The following ZNF787 variants were observed in gnomAD, a reference collection of about 807,000 sequenced individuals.
The protein encoded by ZNF787 is TTF-I-interacting peptide 20.
A neutral mutation model predicts 16.9 loss-of-function variants in ZNF787; 7 were observed. That is an observed-to-expected ratio of 0.42 (90% CI 0.24 to 0.78). The LOEUF is 0.78. Ranked by LOEUF, ZNF787 falls within the 30% of genes least tolerant of loss-of-function variation. The pLI, the probability that ZNF787 is intolerant of heterozygous loss-of-function variation, is 0.30. For missense variants in ZNF787, 551 were observed against 589.3 expected, an observed-to-expected ratio of 0.94 and a Z score of 0.67; for synonymous variants, 345 against 270.9, an observed-to-expected ratio of 1.27 and a Z score of -2.69.
At chr19:56,104,784 T>C (rs141617571) in intron 1 of ZNF787, among the ~76,000 whole-genome samples, 5 of 152,376 alleles carry the variant, frequency 3.3e-5, no homozygotes, top group South Asian at 2.1e-4. Context: ...AGCAGAGCCT[T>C]TGCCACGCGC....
intron 2 of ZNF787, among the ~76,000 whole-genome samples, chr19:56,092,525 CTTT>C: frequency 7.0e-6 from 1 of 143,036 alleles, no homozygotes; most frequent in African/African-American, 2.6e-5. Context: ...TCTGGAAATG[CTTT>C]TTTTTTTTTT....
Position 56,088,002 on chromosome 19 carries a change from C to CCCCTGCCCG in ZNF787, c.*20_*21insCGGGCAGGG. On this transcript the variant is annotated 3_prime_UTR_variant, in exon 3 of 3. Transcript: ENST00000610935. This position sits in a 1 kb window ranked among gnomAD's most constrained non-coding sequence, Gnocchi z 8.6. ...GCCAAGCCCGAGGGGCCCTGCCCGC[C>CCCCTGCCCG]CCCCCCCCCGGGCCCCTCCCCTACC... 2.2e-5 allele frequency: 1 copy of CCCCTGCCCG among 45,538 alleles called. No individual in the cohort carries two copies. Among genetic ancestry groups the CCCCTGCCCG allele is most frequent in the Non-Finnish European group, 4.2e-5 (1 of 23,934 alleles). The allele number at this position is 45,538 out of a possible 1,614,324, so 2.8% of individuals were successfully genotyped here.
intron 1 of ZNF787, among the ~76,000 whole-genome samples, chr19:56,115,116 G>A (rs553261786): frequency 1.3e-5 from 2 of 152,242 alleles, no homozygotes; most frequent in South Asian, 2.1e-4. Flanking sequence ...GGAGATCCCA[G>A]GCCTGCCCTC....
chr19:56,112,344 G>A (rs995747566), intron 1 of ZNF787, among the ~76,000 whole-genome samples: 1 of 152,166 alleles, frequency 6.6e-6, no homozygotes, highest in African/African-American at 2.4e-5. Flanking sequence ...GGCTCTCCCA[G>A]CCTCTGCAGG....
chr19:56,120,545 G>T (rs918986582), intron 1 of ZNF787, among the ~76,000 whole-genome samples: 1 of 152,170 alleles, frequency 6.6e-6, no homozygotes, highest in African/African-American at 2.4e-5. Flanking sequence ...CTGCCGGCCA[G>T]AATCCCCGTA....
chr19:56,090,503 C>T (rs552781463), intron 2 of ZNF787, among the ~76,000 whole-genome samples: 5 of 152,178 alleles, frequency 3.3e-5, no homozygotes, highest in Admixed American at 2.0e-4. Context: ...CCAGTAGCAT[C>T]GGCGCCACAG....
chr19:56,107,050 C>T (rs1223756166), intron 1 of ZNF787, among the ~76,000 whole-genome samples: 1 of 152,210 alleles, frequency 6.6e-6, no homozygotes, highest in Non-Finnish European at 1.5e-5. Context: ...AATTCATGTG[C>T]ACAGATATGC....
intron 2 of ZNF787, among the ~76,000 whole-genome samples, chr19:56,097,182 C>G (rs1985905261): frequency 6.6e-6 from 1 of 152,166 alleles, no homozygotes; most frequent in African/African-American, 2.4e-5. Flanking sequence ...TGTGCAAATC[C>G]AACAAGGTAA....
At position 56,087,847 on chromosome 19, in the gene ZNF787, T is replaced by TA; in HGVS notation, c.*175dup. ...TCGAGGCGGAGAAGTGAACGGGCCC[T>TA]AATACGCCCCAGTGCCCCCCCACGG... On this transcript the variant is annotated 3_prime_UTR_variant, in exon 3 of 3. Coordinates refer to ENST00000610935, the MANE Select transcript of ZNF787 (RefSeq NM_001002836.4). 2 of 1,064,510 alleles carry TA rather than the reference T, an allele frequency of 1.9e-6. No individual in the cohort carries two copies. Among genetic ancestry groups the TA allele is most frequent in the South Asian group, 6.4e-5 (2 of 31,082 alleles). The allele number at this position is 1,064,510 out of a possible 1,614,324, so 65.9% of individuals were successfully genotyped here. A position where few individuals can be genotyped will look rare whatever the true frequency, so the allele number is the denominator to read the frequency against.
chr19:56,103,375 G>A lies in ZNF787; in HGVS notation c.-10-148C>T, dbSNP rs1258927300. The A allele has an allele frequency of 6.2e-6, 4 of 640,682 alleles. No individual in the cohort carries two copies. In the East Asian group the frequency reaches 1.2e-4, roughly 19 times the overall value. The allele number at this position is 640,682 out of a possible 1,614,324, so 39.7% of individuals were successfully genotyped here. A position where few individuals can be genotyped will look rare whatever the true frequency, so the allele number is the denominator to read the frequency against. On this transcript the variant is annotated intron_variant, in intron 1 of 2. Transcript: ENST00000610935. ...CACAGCACCTACCCCAGGACACCGA[G>A]AACTGGCCTGGAGCTAGCCTGGCCG...
chr19:56,103,317 G>T, intron 1 of ZNF787, 90 bp from the exon 2 acceptor site: 1 of 1,159,858 alleles, frequency 8.6e-7, no homozygotes, highest in Non-Finnish European at 1.2e-6. Flanking sequence ...GCAGACCCCG[G>T]CGTGACAGGC....
At chr19:56,114,235 G>C (rs927682036) in intron 1 of ZNF787, among the ~76,000 whole-genome samples, 6 of 152,132 alleles carry the variant, frequency 3.9e-5, no homozygotes, top group Non-Finnish European at 7.4e-5. Flanking sequence ...CTGATGCACC[G>C]ACAGGCTCAG....
In ZNF787 at chr19:56,088,386, C is replaced by T. The variant is rs1985426204; in HGVS notation, c.786G>A (p.Ala262=). The T allele has an allele frequency of 2.7e-6, 3 of 1,104,138 alleles. No homozygotes were observed. Among genetic ancestry groups the T allele is most frequent in the East Asian group, 5.3e-5 (1 of 18,810 alleles). 68.4% of individuals were successfully genotyped at this position (1,104,138 alleles called of 1,614,324 possible). The change falls in exon 3 of 3, where the codon GCG becomes GCA. Residue 262 remains alanine (A), a synonymous_variant. Coordinates refer to ENST00000610935, the MANE Select transcript of ZNF787 (RefSeq NM_001002836.4). This position sits in a 1 kb window ranked among gnomAD's most constrained non-coding sequence, Gnocchi z 8.6. ...GAAAAAAMAG[A]GAKAAGPRSR... is the part of the protein sequence containing the mutation. ...ACCGGGGCCCCGCGGCCTTTGCCCCCGCGCCCGCCATGGCTGCCGCGGCCG... is the reference window on the plus strand; with the variant it reads ...ACCGGGGCCCCGCGGCCTTTGCCCCTGCGCCCGCCATGGCTGCCGCGGCCG...
At chr19:56,094,187 CTTTTT>C (rs572443571) in intron 2 of ZNF787, among the ~76,000 whole-genome samples, 485 of 105,466 alleles carry the variant, frequency 4.6e-3, no homozygotes, top group Middle Eastern at 0.018. Flanking sequence ...TCATGCCCGG[CTTTTT>C]TTTTTTTTTT....
rs1299197706 is a variant in ZNF787 at position 56,088,297 on chromosome 19, C to G, written c.875G>C (p.Gly292Ala). 7.4e-7 allele frequency: 1 copy of G among 1,356,510 alleles called. No individual in the cohort carries two copies. The allele number at this position is 1,356,510 out of a possible 1,614,324, so 84.0% of individuals were successfully genotyped here. A position where few individuals can be genotyped will look rare whatever the true frequency, so the allele number is the denominator to read the frequency against. The part of the protein sequence containing the change: ...CLECGKGFGH[G>A]AGLLAHQRAQ... ...CCGCTGGTGCGCCAGGAGCCCGGCC[C>G]CGTGCCCGAAGCCCTTCCCGCACTC... The change falls in exon 3 of 3, where the codon GGG becomes GCG. Residue 292 changes from glycine (G) to alanine (A), a missense_variant. Physicochemically the swap from Gly to Ala is moderately conservative, Grantham distance 60 (BLOSUM62 0). Coordinates refer to ENST00000610935, the MANE Select transcript of ZNF787 (RefSeq NM_001002836.4). This position sits in a 1 kb window ranked among gnomAD's most constrained non-coding sequence, Gnocchi z 8.6.
intron 2 of ZNF787, among the ~76,000 whole-genome samples, chr19:56,094,093 G>A (rs537172496): frequency 2.1e-4 from 32 of 151,994 alleles, no homozygotes; most frequent in African/African-American, 7.0e-4. Flanking sequence ...ACATGATCTC[G>A]GCTCACTGCA....
At position 56,117,139 on chromosome 19, in the gene ZNF787, G is replaced by C. The variant is rs569351503; in HGVS notation, c.-11+4033C>G. On this transcript the variant is annotated intron_variant, in intron 1 of 2. Transcript: ENST00000610935. ...TGATTAAATGAGATGTGTGTCAAGT[G>C]CTCACCCAAAAGCCGTGGAGATGCC... Among the ~76,000 whole-genome samples the C allele has an allele frequency of 5.9e-5, 9 of 152,302 alleles. No individual in the cohort carries two copies. The South Asian group carries it at 1.9e-3, about 32-fold the overall frequency.
chr19:56,095,364 C>T (rs1985832714), intron 2 of ZNF787, among the ~76,000 whole-genome samples: 1 of 152,208 alleles, frequency 6.6e-6, no homozygotes, highest in Non-Finnish European at 1.5e-5. Flanking sequence ...TCCGGCCTGC[C>T]TATCTGTAGA....
At chr19:56,113,555 A>C (rs528063416) in intron 1 of ZNF787, among the ~76,000 whole-genome samples, 2 of 152,324 alleles carry the variant, frequency 1.3e-5, no homozygotes, top group South Asian at 4.1e-4. Context: ...CAGCTGTGAC[A>C]GGGATGACCC....
Sources: allele counts gnomAD v4.1 joint callset (sites outside exome capture counted in the v4.1 genomes callset), GRCh38; gene constraint gnomAD v4.1.1; non-coding constraint Gnocchi (gnomAD v3.1); transcripts MANE v1.5; gene names NCBI Gene and HGNC (gene_info 2026-07-23, HGNC 2026-07-21).